ZMYM6: variants seen among roughly 807,000 people sequenced by gnomAD.
The protein encoded by ZMYM6 is zinc finger MYM-type protein 6.
Under a neutral mutation model 134.0 loss-of-function variants are expected in ZMYM6, and 90 were observed. The observed-to-expected ratio is 0.67, with a 90% CI of 0.57 to 0.80. The LOEUF (loss-of-function observed/expected upper bound fraction) is 0.80. ZMYM6 is among the 30% of genes least tolerant of loss of function. ZMYM6 has a pLI of 0.00. For missense variants in ZMYM6, 1,362 were observed against 1,533.9 expected (o/e 0.89, Z 1.87); for synonymous variants, 481 against 524.1 (o/e 0.92, Z 1.12).
chr1:35,004,141 C>T (rs774428492), intron 13 of ZMYM6, 136 bp from the exon 14 acceptor site: 54 of 699,574 alleles, frequency 7.7e-5, no homozygotes, highest in Middle Eastern at 4.2e-4. Flanking sequence ...TACAAGGAAA[C>T]TGCATCAGTA....
chr1:35,005,783 C>T (rs1640956101), intron 12 of ZMYM6, among the ~76,000 whole-genome samples: 1 of 152,186 alleles, frequency 6.6e-6, no homozygotes. Context: ...AGCTGTCCAA[C>T]CCCATAACAC....
chr1:35,003,037 G>A (rs989163286), intron 14 of ZMYM6, among the ~76,000 whole-genome samples: 3 of 151,778 alleles, frequency 2.0e-5, no homozygotes, highest in Non-Finnish European at 2.9e-5. Flanking sequence ...AACAAAATAA[G>A]CTGTGTGTGG....
intron 14 of ZMYM6, among the ~76,000 whole-genome samples, chr1:34,995,849 GC>G (rs1640775065): frequency 6.6e-6 from 1 of 152,156 alleles, no homozygotes. Context: ...ACAAAGTGTA[GC>G]CTATTATTAC....
At chr1:35,014,555 G>T in intron 6 of ZMYM6, 142 bp downstream of exon 6, 1 of 834,176 alleles carries the variant, frequency 1.2e-6, no homozygotes, top group Non-Finnish European at 1.8e-6. Flanking sequence ...CACACCATCA[G>T]AATCTATCCC....
At chr1:35,022,604 T>C (rs1641330592) in intron 2 of ZMYM6, among the ~76,000 whole-genome samples, 1 of 152,048 alleles carries the variant, frequency 6.6e-6, no homozygotes, top group Non-Finnish European at 1.5e-5. Context: ...CTGTCATAGA[T>C]GTGAAAATAT....
chr1:35,003,020 G>GA (rs1020504410), intron 14 of ZMYM6, among the ~76,000 whole-genome samples: 9 of 150,598 alleles, frequency 6.0e-5, no homozygotes, highest in East Asian at 5.8e-4. Flanking sequence ...CTCAACAAAA[G>GA]AAAAAAAACA....
chr1:35,027,240 G>A (rs775256724), intron 2 of ZMYM6, among the ~76,000 whole-genome samples: 2 of 152,180 alleles, frequency 1.3e-5, no homozygotes, highest in African/African-American at 4.8e-5. Context: ...AATGAATGAT[G>A]ACACTGGAGA....
Position 35,014,762 on chromosome 1 carries a change from T to C in ZMYM6, c.730A>G (p.Ser244Gly), listed in dbSNP as rs200325477. 30 of 1,614,216 alleles carry C rather than the reference T, an allele frequency of 1.9e-5. No individual in the cohort carries two copies. In the South Asian group the frequency reaches 1.9e-4, roughly 10 times the overall value. ...TGGGATTGGCAAGGACCAGAGCTACTATAGCAATAGCTCCCACAGTTCTCA... is the reference window on the plus strand; with the variant it reads ...TGGGATTGGCAAGGACCAGAGCTACCATAGCAATAGCTCCCACAGTTCTCA... ...CCENCGSYCYSSSGPCQSQKV... is the reference protein window; with the variant it reads ...CCENCGSYCYGSSGPCQSQKV... The change falls in exon 6 of 16, where the codon AGT becomes GGT. Residue 244 changes from serine (S) to glycine (G), a missense_variant. By Grantham distance (56) the Ser-to-Gly change is moderately conservative. Around this residue, in one of 3 missense-constraint regions of ZMYM6, gnomAD observed 503 missense variants for 520.8 expected, o/e 0.97. Coordinates refer to ENST00000357182, the MANE Select transcript of ZMYM6 (RefSeq NM_007167.4).
At chr1:35,010,316 C>T (rs1229207683) in intron 10 of ZMYM6, 131 bp downstream of exon 10, 53 of 1,219,598 alleles carry the variant, frequency 4.3e-5, no homozygotes, top group Admixed American at 3.0e-4. Flanking sequence ...CCTCCATGCC[C>T]GGCCTCCAAA....
chr1:34,987,124 A>T lies in ZMYM6; in HGVS notation c.3958T>A (p.Leu1320Ile), dbSNP rs781484757. The T allele has an allele frequency of 4.5e-6, 7 of 1,565,010 alleles. No homozygotes were observed. The East Asian group carries it at 1.6e-4, about 35-fold the overall frequency. The change falls in exon 16 of 16, where the codon TTA becomes ATA. Residue 1320 changes from leucine (L) to isoleucine (I), a missense_variant. By Grantham distance (5) the Leu-to-Ile change is conservative. This residue lies in a region of ZMYM6 where 824 missense variants were observed against 940.9 expected (regional missense o/e 0.88). Transcript: ENST00000357182. Reference protein sequence around the residue: ...VTSLIPRIEKLVKEKE With the variant: ...VTSLIPRIEKIVKEKE ...TATTGCTACTCTTTCTCCTTCACTA[A>T]TTTTTCTATCCTTGGAATTAAAGAT...
rs549893146 is a variant in ZMYM6 at position 34,998,277 on chromosome 1, T to C, written c.1992+5691A>G. Among the ~76,000 whole-genome samples the C allele has an allele frequency of 1.3e-4, 20 of 152,208 alleles. No individual in the cohort carries two copies. The South Asian group carries it at 4.1e-3, about 32-fold the overall frequency. On this transcript the variant is annotated intron_variant, in intron 14 of 15. Transcript: ENST00000357182. The stretch of plus-strand genomic sequence containing the variant: ...TGGGCAAGACTCCGTCTCAAAAATA[T>C]ATATATATGTTTGGACCTATTTCTG...
In ZMYM6 at chr1:35,016,526, T is replaced by C. The variant is rs537304351; in HGVS notation, c.429-1364A>G. 4.6e-5 allele frequency among the ~76,000 whole-genome samples: 7 copies of C among 152,264 alleles called. No homozygotes were observed. In the East Asian group the frequency reaches 1.2e-3, roughly 25 times the overall value. ...TAAGTATTGCCATTCTTCTGACAAG[T>C]ATAAAAACTAAAGGAAATAGTCACT... On this transcript the variant is annotated intron_variant, in intron 4 of 15. Transcript: ENST00000357182.
At chr1:35,022,293 C>T (rs1370572283) in intron 2 of ZMYM6, among the ~76,000 whole-genome samples, 4 of 151,822 alleles carry the variant, frequency 2.6e-5, no homozygotes, top group African/African-American at 7.3e-5. Context: ...CTTTTTGAGA[C>T]GGAGTCTCGC....
intron 2 of ZMYM6, 60 bp from the exon 3 acceptor site, chr1:35,020,527 G>A: frequency 2.8e-5 from 24 of 852,360 alleles, no homozygotes; most frequent in South Asian, 9.9e-5. Flanking sequence ...AAGTAAACTA[G>A]AAATTCAAGC....
Position 35,030,558 on chromosome 1 carries a change from C to A in ZMYM6, c.82G>T (p.Asp28Tyr), listed in dbSNP as rs139761789. The A allele has an allele frequency of 2.7e-5, 44 of 1,612,098 alleles. No individual in the cohort carries two copies. Among genetic ancestry groups the A allele is most frequent in the Non-Finnish European group, 3.6e-5 (43 of 1,179,726 alleles). The change falls in exon 2 of 16, where the codon GAC becomes TAC. Residue 28 changes from aspartate to tyrosine, a missense_variant. Coordinates refer to ENST00000357182, the MANE Select transcript of ZMYM6 (RefSeq NM_007167.4). ...ELLDKIKEEP[D>Y]NAQEYGCVQQ... The stretch of plus-strand genomic sequence containing the variant: ...GATGAAATGCTTACTTGAGCATTGT[C>A]TGGTTCTTCTTTAATTTTGTCCAGA...
intron 2 of ZMYM6, among the ~76,000 whole-genome samples, chr1:35,024,628 T>A (rs1179195464): frequency 6.6e-6 from 1 of 152,214 alleles, no homozygotes; most frequent in Non-Finnish European, 1.5e-5. Flanking sequence ...AAATCTATTA[T>A]CTTTTCCCAC....
chr1:34,995,917 A>G (rs1301650757), intron 14 of ZMYM6, among the ~76,000 whole-genome samples: 1 of 152,176 alleles, frequency 6.6e-6, no homozygotes, highest in Non-Finnish European at 1.5e-5. Flanking sequence ...GTCCATTTAC[A>G]TAACATTGTA....
rs1363673034 is a variant in ZMYM6, at chr1:35,019,546, A to T, written c.235T>A (p.Leu79Met). Reference protein sequence around the residue: ...LSFASSGPSVLLPSVPAVAIK... With the variant: ...LSFASSGPSVMLPSVPAVAIK... ...GCAACAGCTGGAACTGAAGGAAGCA[A>T]CACACTTGGGCCAGATGATGCAAAA... Residue 79 changes from leucine (L) to methionine (M), a missense_variant, in exon 4 of 16, where the codon TTG becomes ATG. Leu to Met is a conservative substitution (Grantham distance 15). Transcript: ENST00000357182. 6 of 1,613,980 alleles carry T rather than the reference A, an allele frequency of 3.7e-6. No homozygotes were observed. The East Asian group carries it at 1.3e-4, about 36-fold the overall frequency.
In ZMYM6 at chr1:34,987,760, C is replaced by T. The variant is rs1267056271; in HGVS notation, c.3322G>A (p.Glu1108Lys). 6.4e-7 allele frequency: 1 copy of T among 1,551,352 alleles called. No individual in the cohort carries two copies. Among genetic ancestry groups the T allele is most frequent in the African/African-American group, 1.4e-5 (1 of 73,030 alleles). Residue 1108 changes from glutamate (E) to lysine (K), a missense_variant, in exon 16 of 16, where the codon GAA becomes AAA. Physicochemically the swap from Glu to Lys is moderately conservative, Grantham distance 56 (BLOSUM62 1). Coordinates refer to ENST00000357182, the MANE Select transcript of ZMYM6 (RefSeq NM_007167.4). ...AAGTAGGCCAGCTTTCCAACCCATT[C>T]CTCATCATGAAAATACTTGGCCAAA... is the stretch of plus-strand genomic sequence containing the variant. ...SDLAKYFHDE[E>K]WVGKLAYLSD...
Sources: allele counts gnomAD v4.1 joint callset (sites outside exome capture counted in the v4.1 genomes callset), GRCh38; gene constraint gnomAD v4.1.1; regional missense constraint gnomAD v4.1.1; transcripts MANE v1.5; gene names NCBI Gene and HGNC (gene_info 2026-07-23, HGNC 2026-07-21).